The following ACYP2 variants were observed in gnomAD, a reference collection of about 807,000 sequenced individuals.
ACYP2 encodes acylphosphatase 2.
In ACYP2, 12 loss-of-function variants were observed where a neutral mutation model predicts 11.2. That is an observed-to-expected ratio of 1.08 (90% confidence interval 0.69 to 1.74). ACYP2 has a LOEUF of 1.74. ACYP2 is among the 40% of genes most tolerant of loss of function. The pLI is 0.00. For synonymous variants in ACYP2, 43 were observed against 32.2 expected (o/e 1.33, Z -1.13); for missense variants, 134 against 101.9 (o/e 1.31, Z -1.35).
intron 4 of ACYP2, among the ~76,000 whole-genome samples, chr2:54,110,011 G>T (rs1189584292): frequency 6.6e-6 from 1 of 152,140 alleles, no homozygotes; most frequent in East Asian, 1.9e-4. Context: ...TAGGCTCCTG[G>T]TAGATGCTTC....
chr2:54,295,145 AAAG>A (rs1689474526), intron 6 of ACYP2, among the ~76,000 whole-genome samples: 1 of 152,178 alleles, frequency 6.6e-6, no homozygotes, highest in Non-Finnish European at 1.5e-5. Context: ...AATTCTGGGT[AAAG>A]CCAGTTACCA....
intron 4 of ACYP2, among the ~76,000 whole-genome samples, chr2:54,091,680 TTG>T (rs1049792257): frequency 3.9e-5 from 6 of 151,996 alleles, no homozygotes; most frequent in Admixed American, 3.9e-4. Flanking sequence ...CCCGGCTAAT[TTG>T]TGTGTTTTTG....
chr2:54,048,951 T>G (rs536263017), intron 2 of ACYP2, among the ~76,000 whole-genome samples: 1 of 152,110 alleles, frequency 6.6e-6, no homozygotes, highest in Non-Finnish European at 1.5e-5. Flanking sequence ...ATTTGCTATG[T>G]GTCAGTGTCT....
At chr2:54,247,802 G>A (rs1477240189) in intron 6 of ACYP2, among the ~76,000 whole-genome samples, 1 of 152,146 alleles carries the variant, frequency 6.6e-6, no homozygotes, top group East Asian at 1.9e-4. Context: ...TCAGACTCTG[G>A]AGTCAGATAG....
intron 4 of ACYP2, among the ~76,000 whole-genome samples, chr2:54,129,376 T>A (rs1311849902): frequency 1.3e-5 from 2 of 152,178 alleles, no homozygotes; most frequent in African/African-American, 4.8e-5. Flanking sequence ...CAATCAATCC[T>A]CCTGCCTCAG....
chr2:54,268,419 C>T (rs1228608028), intron 6 of ACYP2, among the ~76,000 whole-genome samples: 1 of 152,002 alleles, frequency 6.6e-6, no homozygotes, highest in African/African-American at 2.4e-5. Flanking sequence ...ATTCCATATT[C>T]AAGGTGTCTT....
At chr2:54,140,978 C>G (rs1681569647) in intron 6 of ACYP2, among the ~76,000 whole-genome samples, 1 of 152,138 alleles carries the variant, frequency 6.6e-6, no homozygotes, top group Admixed American at 6.5e-5. Flanking sequence ...TGGTATTGTA[C>G]TCTCTAATTT....
intron 6 of ACYP2, among the ~76,000 whole-genome samples, chr2:54,177,425 G>A (rs1683507906): frequency 6.6e-6 from 1 of 152,132 alleles, no homozygotes; most frequent in South Asian, 2.1e-4. Context: ...CCTAGGAATG[G>A]AAATAGCTCC....
chr2:54,013,800 A>C (rs917782656), intron 2 of ACYP2, among the ~76,000 whole-genome samples: 10 of 151,994 alleles, frequency 6.6e-5, no homozygotes, highest in African/African-American at 2.4e-4. Flanking sequence ...GAGAAATTGT[A>C]CTAAATGAAG....
At chr2:53,976,139 C>T (rs931968782) in intron 2 of ACYP2, among the ~76,000 whole-genome samples, 1 of 152,196 alleles carries the variant, frequency 6.6e-6, no homozygotes, top group African/African-American at 2.4e-5. Flanking sequence ...TCTTAGTTTT[C>T]TCTGTATATA....
intron 4 of ACYP2, among the ~76,000 whole-genome samples, chr2:54,126,196 T>C (rs1680490362): frequency 6.6e-6 from 1 of 152,238 alleles, no homozygotes; most frequent in Non-Finnish European, 1.5e-5. Flanking sequence ...AACGTATGTA[T>C]TTTTGTGACT....
chr2:54,000,770 C>T (rs978967410), intron 2 of ACYP2, among the ~76,000 whole-genome samples: 2 of 152,168 alleles, frequency 1.3e-5, no homozygotes, highest in African/African-American at 4.8e-5. Flanking sequence ...ACATCTTTTC[C>T]ACTTACGTCA....
intron 6 of ACYP2, among the ~76,000 whole-genome samples, chr2:54,170,801 C>T (rs188345177): frequency 6.6e-6 from 1 of 152,196 alleles, no homozygotes; most frequent in Non-Finnish European, 1.5e-5. Flanking sequence ...ATCTGAAGGC[C>T]TGGAACTCCT....
chr2:54,291,464 T>C (rs1323643845), intron 6 of ACYP2, among the ~76,000 whole-genome samples: 1 of 152,188 alleles, frequency 6.6e-6, no homozygotes, highest in Non-Finnish European at 1.5e-5. Context: ...GCAGTAGACG[T>C]GGTATATTGG....
At chr2:54,153,935 A>G (rs545059222) in intron 6 of ACYP2, among the ~76,000 whole-genome samples, 1 of 151,882 alleles carries the variant, frequency 6.6e-6, no homozygotes, top group African/African-American at 2.4e-5. Context: ...AATTCTTCCA[A>G]TCCATGAACG....
intron 6 of ACYP2, chr2:54,254,767 A>G (rs760398967): frequency 1.1e-4 from 78 of 716,644 alleles, no homozygotes; most frequent in Non-Finnish European, 1.7e-4. Flanking sequence ...CAAGGTCTCA[A>G]TCTTCAGGTT....
chr2:54,026,632 G>A (rs953593702), intron 2 of ACYP2, among the ~76,000 whole-genome samples: 2 of 152,066 alleles, frequency 1.3e-5, no homozygotes, highest in East Asian at 1.9e-4. Flanking sequence ...AGCACAATTC[G>A]CAACTGCAAA....
chr2:54,106,569 G>C (rs1679173280), intron 4 of ACYP2, among the ~76,000 whole-genome samples: 1 of 151,534 alleles, frequency 6.6e-6, no homozygotes, highest in South Asian at 2.1e-4. Flanking sequence ...TATAATAAGA[G>C]TTCAACTAAC....
At chr2:54,271,872 C>A (rs1313773708) in intron 6 of ACYP2, among the ~76,000 whole-genome samples, 3 of 152,022 alleles carry the variant, frequency 2.0e-5, no homozygotes, top group Non-Finnish European at 2.9e-5. Context: ...GGCTAATAAG[C>A]AAATTTCTTA....
Sources: allele counts gnomAD v4.1 joint callset (sites outside exome capture counted in the v4.1 genomes callset), GRCh38; gene constraint gnomAD v4.1.1; transcripts MANE v1.5; gene names NCBI Gene and HGNC (gene_info 2026-07-23, HGNC 2026-07-21).